Variants in B3GAT2 observed in about 807,000 individuals in gnomAD.
B3GAT2 encodes the protein beta-1,3-glucuronyltransferase 2, also known as galactosylgalactosylxylosylprotein 3-beta-glucuronosyltransferase 2.
A neutral mutation model predicts 27.8 loss-of-function variants in B3GAT2; 26 were observed. The observed-to-expected ratio is 0.93, with a 90% CI of 0.68 to 1.30. The LOEUF (loss-of-function observed/expected upper bound fraction) is 1.30, where lower values mean the gene tolerates loss of function less well. Among genes scored for constraint, B3GAT2 ranks in the 50% most tolerant of loss-of-function variants. The probability of loss-of-function intolerance (pLI) is 0.00; values close to 1 mark genes in which losing one functional copy is unlikely to be tolerated. For missense variants in B3GAT2, 458 were observed against 459.0 expected (o/e 1.00, Z 0.02); for synonymous variants, 218 against 195.1 (o/e 1.12, Z -0.98).
intron 1 of B3GAT2, among the ~76,000 whole-genome samples, chr6:70,900,903 A>G (rs1475561201): frequency 2.0e-5 from 3 of 152,242 alleles, no homozygotes; most frequent in Admixed American, 2.0e-4. Context: ...TTACAATAAA[A>G]AATGTGACAC....
In B3GAT2 at chr6:70,861,497, T is replaced by C. The variant is rs371761674; in HGVS notation, c.*166A>G. On this transcript the variant is annotated 3_prime_UTR_variant, in exon 4 of 4. Coordinates refer to ENST00000230053, the MANE Select transcript of B3GAT2 (RefSeq NM_080742.3). ...TTGTACCAACCATCCAATTAGCTTA[T>C]GTTAACTGACAAGCTCCATTTAAAC... 110 of 622,304 alleles carry C rather than the reference T, an allele frequency of 1.8e-4. No individual in the cohort carries two copies. The East Asian group carries it at 2.3e-3, about 13-fold the overall frequency. The allele number at this position is 622,304 out of a possible 1,614,324, so 38.5% of individuals were successfully genotyped here.
chr6:70,893,106 A>T (rs566343882), intron 2 of B3GAT2, among the ~76,000 whole-genome samples: 1 of 152,302 alleles, frequency 6.6e-6, no homozygotes, highest in East Asian at 1.9e-4. Flanking sequence ...GACAAGACCC[A>T]CCACACAGCT....
intron 1 of B3GAT2, among the ~76,000 whole-genome samples, chr6:70,900,958 T>C (rs549639248): frequency 3.3e-5 from 5 of 152,118 alleles, no homozygotes; most frequent in African/African-American, 1.2e-4. Flanking sequence ...TAGCAAAAAG[T>C]AAACGAAACC....
chr6:70,947,823 A>C (rs1765516929), intron 1 of B3GAT2, among the ~76,000 whole-genome samples: 1 of 152,184 alleles, frequency 6.6e-6, no homozygotes, highest in Admixed American at 6.5e-5. Context: ...ATTGATGCAA[A>C]AATCCTCAAT....
rs1442033585 is a variant in B3GAT2, at chr6:70,860,354, A to C, written c.*1309T>G. 6.3e-7 allele frequency: 1 copy of C among 1,596,340 alleles called. No homozygotes were observed. The highest frequency in any genetic ancestry group is 8.5e-7 in the Non-Finnish European group (1 of 1,171,878). Reference sequence around the variant, plus strand: ...AAATGAAAACTGCAATACAAGTTTCATCCAGAACTACCACCTGACATTCCT... The same window carrying C: ...AAATGAAAACTGCAATACAAGTTTCCTCCAGAACTACCACCTGACATTCCT... On this transcript the variant is annotated 3_prime_UTR_variant, in exon 4 of 4. Coordinates refer to ENST00000230053, the MANE Select transcript of B3GAT2 (RefSeq NM_080742.3).
intron 1 of B3GAT2, among the ~76,000 whole-genome samples, chr6:70,907,858 T>G (rs1772626519): frequency 6.6e-6 from 1 of 152,158 alleles, no homozygotes; most frequent in Non-Finnish European, 1.5e-5. Flanking sequence ...GTAGTCAGGG[T>G]TTGCCTCTGC....
At chr6:70,953,974 T>C (rs577270655) in intron 1 of B3GAT2, among the ~76,000 whole-genome samples, 50 of 152,328 alleles carry the variant, frequency 3.3e-4, no homozygotes, top group African/African-American at 1.2e-3. Flanking sequence ...TGCCTGCGTG[T>C]GCCAATTCTT....
chr6:70,915,831 T>C (rs1251439836), intron 1 of B3GAT2, among the ~76,000 whole-genome samples: 1 of 152,164 alleles, frequency 6.6e-6, no homozygotes, highest in Non-Finnish European at 1.5e-5. Context: ...TGAAGTCAGG[T>C]AGTGTGATGC....
chr6:70,925,022 G>A (rs2150043300), intron 1 of B3GAT2, among the ~76,000 whole-genome samples: 1 of 152,304 alleles, frequency 6.6e-6, no homozygotes, highest in East Asian at 1.9e-4. Flanking sequence ...CACCTGACCT[G>A]CCAACCAGTC....
intron 1 of B3GAT2, among the ~76,000 whole-genome samples, chr6:70,927,003 G>C (rs938138526): frequency 3.9e-5 from 6 of 152,276 alleles, no homozygotes; most frequent in Admixed American, 1.3e-4. Context: ...CAAGCCAGAA[G>C]AGAGAGGGGG....
At chr6:70,907,814 C>G (rs189713455) in intron 1 of B3GAT2, among the ~76,000 whole-genome samples, 19 of 152,290 alleles carry the variant, frequency 1.2e-4, no homozygotes, top group African/African-American at 4.1e-4. Context: ...TTTGTGAGAC[C>G]AAGCAATAAG....
At chr6:70,870,532 A>G (rs1325224429) in intron 2 of B3GAT2, among the ~76,000 whole-genome samples, 1 of 152,054 alleles carries the variant, frequency 6.6e-6, no homozygotes, top group Admixed American at 6.5e-5. Flanking sequence ...CCTAAAACTT[A>G]AAGTATAATA....
chr6:70,909,488 C>G (rs966962525), intron 1 of B3GAT2, among the ~76,000 whole-genome samples: 1 of 152,136 alleles, frequency 6.6e-6, no homozygotes, highest in African/African-American at 2.4e-5. Flanking sequence ...GAGTCAGACC[C>G]TCTAATATTT....
chr6:70,929,377 G>A (rs1460694345), intron 1 of B3GAT2, among the ~76,000 whole-genome samples: 1 of 152,034 alleles, frequency 6.6e-6, no homozygotes, highest in African/African-American at 2.4e-5. Context: ...AGAAATAAAA[G>A]CTATTCAATC....
At chr6:70,935,524 G>A (rs1765255239) in intron 1 of B3GAT2, among the ~76,000 whole-genome samples, 1 of 151,978 alleles carries the variant, frequency 6.6e-6, no homozygotes, top group African/African-American at 2.4e-5. Flanking sequence ...TTTATTAAAT[G>A]AATGGTGGTG....
At position 70,858,012 on chromosome 6, in the gene B3GAT2, C is replaced by T. The variant is rs202002037; in HGVS notation, c.*3651G>A. Reference sequence around the variant, plus strand: ...CCATCGATGGGCGTGCCTGTGCCTGCAGCTCCTGGCCTTATAGGAAATGTG... The same window carrying T: ...CCATCGATGGGCGTGCCTGTGCCTGTAGCTCCTGGCCTTATAGGAAATGTG... On this transcript the variant is annotated 3_prime_UTR_variant, in exon 4 of 4. Transcript: ENST00000230053. 4.8e-5 allele frequency: 77 copies of T among 1,614,034 alleles called. 1 individual carries two copies. In the South Asian group the frequency reaches 7.2e-4, roughly 15 times the overall value.
intron 1 of B3GAT2, among the ~76,000 whole-genome samples, chr6:70,904,355 G>GCC (rs1772561222): frequency 6.6e-6 from 1 of 152,038 alleles, no homozygotes; most frequent in Non-Finnish European, 1.5e-5. Flanking sequence ...CCTCAAGAAA[G>GCC]GTAATTCAAA....
Position 70,956,056 on chromosome 6 carries a change from AGCTC to A in B3GAT2, c.370_373del (p.Glu124TrpfsTer2), listed in dbSNP as rs765433016. 6.3e-7 allele frequency: 1 copy of A among 1,585,062 alleles called. No homozygotes were observed. Among genetic ancestry groups the A allele is most frequent in the South Asian group, 1.1e-5 (1 of 87,922 alleles). On this transcript the variant is annotated frameshift_variant, in exon 1 of 4. Coordinates refer to ENST00000230053, the MANE Select transcript of B3GAT2 (RefSeq NM_080742.3). LOFTEE classifies it high-confidence loss of function. ...GGCCCGCGCCAGGAAGCGGCTCACC[AGCTC>A]GCTGCGCGCCGCCGCGTCCTCCACC...
At chr6:70,886,711 C>T (rs1201607448) in intron 2 of B3GAT2, among the ~76,000 whole-genome samples, 1 of 152,170 alleles carries the variant, frequency 6.6e-6, no homozygotes, top group Non-Finnish European at 1.5e-5. Flanking sequence ...CACACGCCCA[C>T]CTCTACCCAG....
Sources: allele counts gnomAD v4.1 joint callset (sites outside exome capture counted in the v4.1 genomes callset), GRCh38; gene constraint gnomAD v4.1.1; transcripts MANE v1.5; gene names NCBI Gene and HGNC (gene_info 2026-07-23, HGNC 2026-07-21).